The following PSD3 variants were observed in gnomAD, a reference collection of about 807,000 sequenced individuals.
PSD3 encodes the protein PH and SEC7 domain-containing protein 3.
PSD3 carries 49 observed loss-of-function variants against 105.5 expected under a neutral mutation model. That is an observed-to-expected ratio of 0.46 (90% CI 0.37 to 0.59). PSD3 has a LOEUF of 0.59. Ranked by LOEUF, PSD3 falls within the 20% of genes least tolerant of loss-of-function variation. The probability of loss-of-function intolerance (pLI) is 0.00; values close to 1 mark genes in which losing one functional copy is unlikely to be tolerated. For missense variants in PSD3, 1,561 were observed against 1,263.8 expected, an observed-to-expected ratio of 1.24 and a Z score of -3.57; for synonymous variants, 557 against 457.8, an observed-to-expected ratio of 1.22 and a Z score of -2.77.
intron 1 of PSD3, among the ~76,000 whole-genome samples, chr8:19,010,212 G>C (rs79218278): frequency 0.095 from 14,441 of 152,168 alleles, 886 homozygotes; most frequent in Non-Finnish European, 0.14. Context: ...CATGCAGGAA[G>C]GGGAGAAGAG....
chr8:18,896,556 G>A (rs1819162432), intron 2 of PSD3, among the ~76,000 whole-genome samples: 1 of 152,234 alleles, frequency 6.6e-6, no homozygotes, highest in East Asian at 1.9e-4. Flanking sequence ...AGGGACTACA[G>A]GCACACACCA....
chr8:19,067,436 C>T (rs1291662273), intron 1 of PSD3, among the ~76,000 whole-genome samples: 2 of 152,132 alleles, frequency 1.3e-5, no homozygotes, highest in Admixed American at 6.6e-5. Flanking sequence ...CAGGATGCCT[C>T]CCACAGAAGG....
intron 11 of PSD3, among the ~76,000 whole-genome samples, chr8:18,627,788 A>G (rs1806601089): frequency 6.6e-6 from 1 of 150,964 alleles, no homozygotes; most frequent in African/African-American, 2.5e-5. Context: ...CTCAAAAATT[A>G]CAAGGAATGC....
At chr8:18,751,439 C>T (rs1007280135) in intron 9 of PSD3, among the ~76,000 whole-genome samples, 3 of 152,232 alleles carry the variant, frequency 2.0e-5, no homozygotes, top group Non-Finnish European at 2.9e-5. Context: ...AGAAGGGGAG[C>T]GGTGACAGGG....
intron 10 of PSD3, among the ~76,000 whole-genome samples, chr8:18,646,417 C>T (rs1808038296): frequency 6.6e-6 from 1 of 151,866 alleles, no homozygotes; most frequent in African/African-American, 2.4e-5. Flanking sequence ...CCATGAGTTG[C>T]CTTTTTGAAA....
At chr8:18,754,645 C>G (rs1425562470) in intron 9 of PSD3, among the ~76,000 whole-genome samples, 3 of 151,966 alleles carry the variant, frequency 2.0e-5, no homozygotes, top group Non-Finnish European at 4.4e-5. Context: ...AAAACAGGAT[C>G]TAAATACAGG....
At chr8:18,742,534 A>G (rs935218093) in intron 9 of PSD3, among the ~76,000 whole-genome samples, 2 of 152,232 alleles carry the variant, frequency 1.3e-5, no homozygotes, top group African/African-American at 2.4e-5. Flanking sequence ...ATTTCCATAT[A>G]TATTTTACCT....
At chr8:18,599,954 A>G (rs76891151) in intron 12 of PSD3, among the ~76,000 whole-genome samples, 1 of 152,218 alleles carries the variant, frequency 6.6e-6, no homozygotes, top group Non-Finnish European at 1.5e-5. Context: ...AAATAGAACA[A>G]TGATAACAAT....
chr8:19,076,924 G>A (rs1173515794), intron 1 of PSD3, among the ~76,000 whole-genome samples: 2 of 152,046 alleles, frequency 1.3e-5, no homozygotes. Flanking sequence ...TTTATGGGAT[G>A]GACTTTTGGG....
chr8:19,051,705 A>G (rs571686889), intron 1 of PSD3, among the ~76,000 whole-genome samples: 7 of 152,138 alleles, frequency 4.6e-5, no homozygotes, highest in Non-Finnish European at 1.0e-4. Context: ...AAGTTGGGGG[A>G]TTAGCATGTT....
intron 9 of PSD3, among the ~76,000 whole-genome samples, chr8:18,698,842 G>C (rs371489101): frequency 3.0e-4 from 46 of 152,166 alleles, no homozygotes; most frequent in African/African-American, 8.0e-4. Context: ...TTATATGCAG[G>C]AACAATAATA....
chr8:18,707,953 G>C (rs1255550205), intron 9 of PSD3, among the ~76,000 whole-genome samples: 2 of 152,232 alleles, frequency 1.3e-5, no homozygotes, highest in African/African-American at 4.8e-5. Context: ...CAGGGCAACA[G>C]AGGAAAGATT....
At chr8:18,588,810 G>C (rs898269311) in intron 12 of PSD3, among the ~76,000 whole-genome samples, 4 of 152,298 alleles carry the variant, frequency 2.6e-5, no homozygotes, top group South Asian at 2.1e-4. Context: ...ATCTGAGGGA[G>C]AGGACAGTGA....
intron 1 of PSD3, among the ~76,000 whole-genome samples, chr8:19,073,550 C>CAAAAAAAAAAAAAAAA (rs869154642): frequency 1.4e-5 from 1 of 69,126 alleles, no homozygotes; most frequent in Non-Finnish European, 2.5e-5. Context: ...AACTGTCTCT[C>CAAAAAAAAAAAAAAAA]AAAAAAAAAA....
chr8:18,579,968 T>C (rs906068130), intron 12 of PSD3, among the ~76,000 whole-genome samples: 3 of 152,212 alleles, frequency 2.0e-5, no homozygotes, highest in Admixed American at 6.5e-5. Context: ...TGGAGCTATG[T>C]GGAAATTAAT....
intron 9 of PSD3, among the ~76,000 whole-genome samples, chr8:18,741,404 G>C (rs534966531): frequency 6.6e-6 from 1 of 152,284 alleles, no homozygotes; most frequent in East Asian, 1.9e-4. Context: ...TCTTTCCCTA[G>C]AGTTTGTTAC....
chr8:18,929,952 T>A (rs1417209277), intron 2 of PSD3, among the ~76,000 whole-genome samples: 1 of 152,140 alleles, frequency 6.6e-6, no homozygotes, highest in Non-Finnish European at 1.5e-5. Context: ...TATAAAAATG[T>A]TGTTAGAAAG....
At chr8:18,621,926 A>G (rs927225497) in intron 11 of PSD3, among the ~76,000 whole-genome samples, 3 of 152,226 alleles carry the variant, frequency 2.0e-5, no homozygotes, top group African/African-American at 4.8e-5. Flanking sequence ...TTACCATTAT[A>G]AACTATTTTC....
At chr8:18,802,297 C>CT (rs775595604) in intron 6 of PSD3, 62 of 405,270 alleles carry the variant, frequency 1.5e-4, no homozygotes, top group South Asian at 1.1e-3. Context: ...ACTAAGAGCA[C>CT]TGTTTATTTG....
Sources: gnomAD v4.1 joint callset for allele counts (sites outside exome capture counted in the v4.1 genomes callset) on GRCh38, gnomAD v4.1.1 for gene constraint, MANE v1.5 for transcripts, NCBI Gene and HGNC (gene_info 2026-07-23, HGNC 2026-07-21) for gene names.